SNX24: variants seen among roughly 807,000 people sequenced by gnomAD.
SNX24 encodes the protein sorting nexin-24.
In SNX24, 22 loss-of-function variants were observed where a neutral mutation model predicts 28.7. The observed-to-expected ratio is 0.77, with a 90% CI of 0.55 to 1.10. SNX24 has a LOEUF of 1.10. Among genes scored for constraint, SNX24 ranks in the 50% least tolerant of loss-of-function variants. SNX24 has a pLI of 0.00. For missense variants in SNX24, 221 were observed against 201.1 expected, an observed-to-expected ratio of 1.10 and a Z score of -0.60; for synonymous variants, 69 against 71.5, an observed-to-expected ratio of 0.96 and a Z score of 0.18.
intron 3 of SNX24, among the ~76,000 whole-genome samples, chr5:122,970,583 C>T (rs969627671): frequency 6.6e-6 from 1 of 152,194 alleles, no homozygotes; most frequent in Admixed American, 6.5e-5. Flanking sequence ...ATTCTCCTGC[C>T]TCAGCCTCCC....
intron 1 of SNX24, among the ~76,000 whole-genome samples, chr5:122,845,928 C>T (rs2150025297): frequency 1.3e-5 from 2 of 152,208 alleles, no homozygotes; most frequent in South Asian, 4.1e-4. Flanking sequence ...CCCTCTCCTC[C>T]CGGACGAGCT....
chr5:122,900,517 A>C (rs1359954607), intron 1 of SNX24, among the ~76,000 whole-genome samples: 2 of 152,186 alleles, frequency 1.3e-5, no homozygotes, highest in Non-Finnish European at 1.5e-5. Flanking sequence ...CTGTCATCCC[A>C]GTGCTTTGGG....
intron 1 of SNX24, among the ~76,000 whole-genome samples, chr5:122,882,693 A>G (rs1309943615): frequency 6.6e-6 from 1 of 152,254 alleles, no homozygotes; most frequent in Non-Finnish European, 1.5e-5. Flanking sequence ...AGGGCCAGAT[A>G]TAAAATAATT....
rs192405942 is a variant in SNX24 at position 122,914,276 on chromosome 5, T to C, written c.61-22458T>C. On this transcript the variant is annotated intron_variant, in intron 1 of 6. Transcript: ENST00000261369. The stretch of plus-strand genomic sequence containing the variant: ...TGATCATGATGGATAAGCTTTTTGA[T>C]GTGTTGCTGGATTCGGTTTGCCAGT... 2.4e-3 allele frequency among the ~76,000 whole-genome samples: 367 copies of C among 152,344 alleles called. 1 individual carries two copies. The highest frequency in any genetic ancestry group is 8.1e-3 in the African/African-American group (337 of 41,574).
At chr5:122,961,652 C>A (rs1467662951) in intron 3 of SNX24, among the ~76,000 whole-genome samples, 1 of 152,146 alleles carries the variant, frequency 6.6e-6, no homozygotes, top group Non-Finnish European at 1.5e-5. Context: ...TGTTAGTGTG[C>A]CACATATCTT....
chr5:122,937,969 C>T (rs1391020166), intron 2 of SNX24, among the ~76,000 whole-genome samples: 1 of 152,130 alleles, frequency 6.6e-6, no homozygotes, highest in Non-Finnish European at 1.5e-5. Context: ...TAAGTCCCTA[C>T]TGTGGGATTA....
At chr5:122,858,638 TTA>T (rs1482666650) in intron 1 of SNX24, among the ~76,000 whole-genome samples, 4 of 152,230 alleles carry the variant, frequency 2.6e-5, no homozygotes, top group African/African-American at 9.6e-5. Flanking sequence ...CTGTAGCAGT[TTA>T]TGAGTGTATA....
intron 2 of SNX24, among the ~76,000 whole-genome samples, chr5:122,945,496 A>G (rs192859061): frequency 1.3e-5 from 2 of 152,338 alleles, no homozygotes; most frequent in Admixed American, 1.3e-4. Flanking sequence ...GCTGAGAACT[A>G]TCATTCAGTT....
intron 3 of SNX24, among the ~76,000 whole-genome samples, chr5:122,993,864 A>G (rs1329351227): frequency 6.6e-6 from 1 of 152,154 alleles, no homozygotes; most frequent in Non-Finnish European, 1.5e-5. Flanking sequence ...AGAGAAGAAA[A>G]GCTTCAGTGG....
At chr5:122,890,470 G>GT (rs773031988) in intron 1 of SNX24, among the ~76,000 whole-genome samples, 2 of 66,960 alleles carry the variant, frequency 3.0e-5, no homozygotes, top group East Asian at 9.9e-4. Context: ...ATTTAGAGGG[G>GT]ATTTTTTTTT....
At chr5:122,945,624 T>G (rs2150124930) in intron 2 of SNX24, among the ~76,000 whole-genome samples, 1 of 152,322 alleles carries the variant, frequency 6.6e-6, no homozygotes, top group Non-Finnish European at 1.5e-5. Flanking sequence ...GGGACAATAC[T>G]TATATACAGT....
At chr5:122,940,820 G>A (rs1319049665) in intron 2 of SNX24, among the ~76,000 whole-genome samples, 2 of 152,128 alleles carry the variant, frequency 1.3e-5, no homozygotes, top group African/African-American at 4.8e-5. Flanking sequence ...ACATCCACCT[G>A]CCTTGGCCTC....
At chr5:122,855,799 A>G (rs1369272190) in intron 1 of SNX24, among the ~76,000 whole-genome samples, 1 of 152,116 alleles carries the variant, frequency 6.6e-6, no homozygotes, top group Non-Finnish European at 1.5e-5. Flanking sequence ...CTTACCCATT[A>G]AAGTTTTATC....
chr5:122,987,651 T>C (rs1345726518), intron 3 of SNX24, among the ~76,000 whole-genome samples: 1 of 152,116 alleles, frequency 6.6e-6, no homozygotes, highest in Admixed American at 6.6e-5. Context: ...CTGATTCTGA[T>C]GGTAGATCAC....
intron 1 of SNX24, among the ~76,000 whole-genome samples, chr5:122,902,362 A>G (rs1237777875): frequency 3.3e-5 from 5 of 152,252 alleles, no homozygotes; most frequent in Non-Finnish European, 4.4e-5. Context: ...CAGAGCCAGC[A>G]AAGGAGACAT....
At chr5:122,904,278 G>T (rs1275769470) in intron 1 of SNX24, among the ~76,000 whole-genome samples, 1 of 152,018 alleles carries the variant, frequency 6.6e-6, no homozygotes, top group East Asian at 1.9e-4. Context: ...TGCCCCCTGA[G>T]TTCAAGGGAT....
chr5:122,899,178 C>T (rs1398096971), intron 1 of SNX24, among the ~76,000 whole-genome samples: 7 of 152,180 alleles, frequency 4.6e-5, no homozygotes, highest in Admixed American at 3.9e-4. Flanking sequence ...TAGTCTTCAA[C>T]ATACACCTGG....
chr5:122,934,010 T>G (rs1368535912), intron 1 of SNX24, among the ~76,000 whole-genome samples: 1 of 152,024 alleles, frequency 6.6e-6, no homozygotes, highest in African/African-American at 2.4e-5. Context: ...CTTGAACTCC[T>G]GACCTCAGGT....
At chr5:122,856,909 G>T (rs1755219642) in intron 1 of SNX24, among the ~76,000 whole-genome samples, 1 of 152,042 alleles carries the variant, frequency 6.6e-6, no homozygotes. Context: ...ATTTCCTTTG[G>T]GTCAGGGGTC....
Sources: gnomAD v4.1 joint callset for allele counts (sites outside exome capture counted in the v4.1 genomes callset) on GRCh38, gnomAD v4.1.1 for gene constraint, MANE v1.5 for transcripts, NCBI Gene and HGNC (gene_info 2026-07-23, HGNC 2026-07-21) for gene names.